Variants in SLC24A5 observed in about 807,000 individuals in gnomAD.
SLC24A5 encodes the protein solute carrier family 24 member 5, also known as sodium/potassium/calcium exchanger 5.
SLC24A5 carries 46 observed loss-of-function variants against 51.6 expected under a neutral mutation model. That is an observed-to-expected ratio of 0.89 (90% confidence interval 0.70 to 1.14). SLC24A5 has a LOEUF of 1.14. Ranked by LOEUF, SLC24A5 falls within the 50% of genes most tolerant of loss-of-function variation. The pLI is 0.00. For missense variants in SLC24A5, 581 were observed against 604.1 expected (o/e 0.96, Z 0.40); for synonymous variants, 230 against 214.9 (o/e 1.07, Z -0.62).
intron 2 of SLC24A5, among the ~76,000 whole-genome samples, chr15:48,132,635 C>G (rs1179752595): frequency 6.6e-6 from 1 of 152,116 alleles, no homozygotes; most frequent in Non-Finnish European, 1.5e-5. Context: ...AGTTCTCACT[C>G]AGGGTCTCTT....
In SLC24A5 at chr15:48,142,550, A is replaced by C; in HGVS notation, c.*199A>C. On this transcript the variant is annotated 3_prime_UTR_variant, in exon 9 of 9. Coordinates refer to ENST00000341459, the MANE Select transcript of SLC24A5 (RefSeq NM_205850.3). Reference sequence around the variant, plus strand: ...GAAAAATTACATATTATAAAACAGAAGTTTGGGGGGAAAAAATCTATGTTT... The same window carrying C: ...GAAAAATTACATATTATAAAACAGACGTTTGGGGGGAAAAAATCTATGTTT... 2.0e-6 allele frequency: 1 copy of C among 492,174 alleles called. No individual in the cohort carries two copies. Among genetic ancestry groups the C allele is most frequent in the Non-Finnish European group, 3.5e-6 (1 of 289,764 alleles). 30.5% of individuals were successfully genotyped at this position (492,174 alleles called of 1,614,324 possible).
intron 2 of SLC24A5, among the ~76,000 whole-genome samples, chr15:48,126,111 C>T (rs953528094): frequency 2.0e-5 from 3 of 152,190 alleles, no homozygotes; most frequent in African/African-American, 7.2e-5. Flanking sequence ...GTATGTTGGT[C>T]TTGGTCTCCT....
Position 48,142,085 on chromosome 15 carries a change from T to A in SLC24A5, c.1237T>A (p.Cys413Ser). 1 of 1,613,928 alleles carries A rather than the reference T, an allele frequency of 6.2e-7. No homozygotes were observed. Among genetic ancestry groups the A allele is most frequent in the Non-Finnish European group, 8.5e-7 (1 of 1,179,900 alleles). ...IVGSNVFDML[C>S]LGIPWFIKTA... ...GGGATCCAATGTGTTTGATATGTTG[T>A]GCCTTGGTATTCCATGGTTTATTAA... The change falls in exon 9 of 9, where the codon TGC becomes AGC. Residue 413 changes from cysteine to serine, a missense_variant. Coordinates refer to ENST00000341459, the MANE Select transcript of SLC24A5 (RefSeq NM_205850.3).
chr15:48,126,924 T>C (rs1403779559), intron 2 of SLC24A5, among the ~76,000 whole-genome samples: 1 of 152,172 alleles, frequency 6.6e-6, no homozygotes, highest in Admixed American at 6.5e-5. Context: ...TATATTGATA[T>C]AGTTGCTGAA....
rs2038741935 is a variant in SLC24A5, at chr15:48,127,312, G to C, written c.301+5276G>C. 2.0e-5 allele frequency among the ~76,000 whole-genome samples: 3 copies of C among 152,202 alleles called. No homozygotes were observed. The South Asian group carries it at 6.2e-4, about 31-fold the overall frequency. On this transcript the variant is annotated intron_variant, in intron 2 of 8. Coordinates refer to ENST00000341459, the MANE Select transcript of SLC24A5 (RefSeq NM_205850.3). Reference sequence around the variant, plus strand: ...AGGTTAGAATCCTTTACTCAGGAAAGATGAAAGTGGAGATGGGGAATACCA... The same window carrying C: ...AGGTTAGAATCCTTTACTCAGGAAACATGAAAGTGGAGATGGGGAATACCA...
chr15:48,136,723 G>A lies in SLC24A5; in HGVS notation c.631G>A (p.Val211Ile). 6.2e-7 allele frequency: 1 copy of A among 1,613,364 alleles called. No homozygotes were observed. The highest frequency in any genetic ancestry group is 8.5e-7 in the Non-Finnish European group (1 of 1,179,674). The change falls in exon 6 of 9, where the codon GTT becomes ATT. Residue 211 changes from valine to isoleucine, a missense_variant. Coordinates refer to ENST00000341459, the MANE Select transcript of SLC24A5 (RefSeq NM_205850.3). ...ALLLLIYGLY[V>I]LVLCFDIKIN... ...ACTGCTTTTGATATATGGATTGTAT[G>A]TTTTGGTGCTGTGTTTTGACATTAA...
intron 2 of SLC24A5, chr15:48,122,359 C>G: frequency 2.3e-6 from 1 of 442,618 alleles, no homozygotes; most frequent in East Asian, 3.3e-5. Flanking sequence ...TGTGTGCGCT[C>G]CTAATACAAT....
chr15:48,134,065 C>A (rs533831638), intron 2 of SLC24A5, among the ~76,000 whole-genome samples, 193 bp from the exon 3 acceptor site: 27 of 152,148 alleles, frequency 1.8e-4, no homozygotes, highest in Non-Finnish European at 4.0e-4. Flanking sequence ...CTTCCCTCAC[C>A]CTTTCTATAG....
chr15:48,134,123 T>A (rs1490952740), intron 2 of SLC24A5, 135 bp from the exon 3 acceptor site: 1 of 740,200 alleles, frequency 1.4e-6, no homozygotes, highest in Non-Finnish European at 2.3e-6. Context: ...TGGACTCTTT[T>A]AATCTGTGTA....
intron 2 of SLC24A5, among the ~76,000 whole-genome samples, chr15:48,127,010 AC>A (rs1270598565): frequency 6.6e-6 from 1 of 152,012 alleles, no homozygotes; most frequent in African/African-American, 2.4e-5. Context: ...CTAGTGCCAC[AC>A]TCTTATAGAG....
chr15:48,139,810 G>C (rs930220823), intron 7 of SLC24A5: 4 of 151,984 alleles, frequency 2.6e-5, no homozygotes, highest in Non-Finnish European at 5.9e-5. Context: ...TCCTACAAAG[G>C]TTAACCCAAA....
Position 48,134,449 on chromosome 15 carries a change from A to G in SLC24A5, c.400A>G (p.Lys134Glu). The G allele has an allele frequency of 6.2e-7, 1 of 1,613,348 alleles. No homozygotes were observed. The highest frequency in any genetic ancestry group is 8.5e-7 in the Non-Finnish European group (1 of 1,179,410). Residue 134 changes from lysine (K) to glutamate (E), a missense_variant, in exon 4 of 9, where the codon AAG becomes GAG. Coordinates refer to ENST00000341459, the MANE Select transcript of SLC24A5 (RefSeq NM_205850.3). ...CTTGCACATAGGTGTATTTATCACA[A>G]AGGGAGATATTGGCATTAGCACCAT... ...VTAFLGVFIT[K>E]GDIGISTILG...
At chr15:48,138,184 T>G (rs1262019793) in intron 6 of SLC24A5, 1 of 152,054 alleles carries the variant, frequency 6.6e-6, no homozygotes, top group Non-Finnish European at 1.5e-5. Context: ...CTTGGCAAAC[T>G]TTTTATGAGT....
At chr15:48,121,449 C>T (rs2038678732) in intron 1 of SLC24A5, among the ~76,000 whole-genome samples, 1 of 152,132 alleles carries the variant, frequency 6.6e-6, no homozygotes, top group Non-Finnish European at 1.5e-5. Context: ...GAAATTCTCT[C>T]TGCAACAGTG....
chr15:48,141,120 A>G lies in SLC24A5; in HGVS notation c.1086A>G (p.Thr362=), dbSNP rs1037689487. 1.9e-6 allele frequency: 3 copies of G among 1,611,956 alleles called. No homozygotes were observed. In the Admixed American group the frequency reaches 5.0e-5, roughly 27 times the overall value. ...AATATCTGTTTATTACAGGGGAAAC[A>G]CTAGAAATTCCCGATACAGTAATGG... ...LVWMVTITGE[T]LEIPDTVMGL... is the part of the protein sequence containing the mutation. Residue 362 remains threonine (T), a synonymous_variant, in exon 8 of 9, where the codon ACA becomes ACG. Coordinates refer to ENST00000341459, the MANE Select transcript of SLC24A5 (RefSeq NM_205850.3).
In SLC24A5 at chr15:48,142,341, G is replaced by A; in HGVS notation, c.1493G>A (p.Cys498Tyr). ...GIIGNNKIRG[C>Y]GG ...ATTGGAAATAATAAAATAAGGGGCT[G>A]TGGAGGTTGATATTATTAATAGTGT... The change falls in exon 9 of 9, where the codon TGT becomes TAT. Residue 498 changes from cysteine to tyrosine, a missense_variant. Physicochemically the swap from Cys to Tyr is radical, Grantham distance 194 (BLOSUM62 -2). Transcript: ENST00000341459. 6.3e-7 allele frequency: 1 copy of A among 1,593,972 alleles called. No homozygotes were observed. The highest frequency in any genetic ancestry group is 1.4e-5 in the African/African-American group (1 of 73,934).
chr15:48,122,128 C>G (rs757175822), intron 2 of SLC24A5, 92 bp downstream of exon 2: 1 of 1,334,666 alleles, frequency 7.5e-7, no homozygotes, highest in South Asian at 1.2e-5. Flanking sequence ...CTGTCCTGTA[C>G]TTCTCAACTG....
chr15:48,134,042 T>G (rs2038833526), intron 2 of SLC24A5, among the ~76,000 whole-genome samples: 1 of 152,094 alleles, frequency 6.6e-6, no homozygotes, highest in Non-Finnish European at 1.5e-5. Flanking sequence ...GATATTCCCT[T>G]TAGTCTCCTG....
At position 48,121,176 on chromosome 15, in the gene SLC24A5, A is replaced by G; in HGVS notation, c.121+11A>G. ...TCCCAAGGGCCACAGGTAGGTGGAC[A>G]TTGGGGTCAGTTAGCTCTGCAGCAG... On this transcript the variant is annotated intron_variant, in intron 1 of 8. Transcript: ENST00000341459. 2.5e-6 allele frequency: 4 copies of G among 1,606,212 alleles called. No individual in the cohort carries two copies. The highest frequency in any genetic ancestry group is 1.1e-5 in the South Asian group (1 of 90,034).
Sources: gnomAD v4.1 joint callset for allele counts (sites outside exome capture counted in the v4.1 genomes callset) on GRCh38, gnomAD v4.1.1 for gene constraint, MANE v1.5 for transcripts, NCBI Gene and HGNC (gene_info 2026-07-23, HGNC 2026-07-21) for gene names.